PCDHA6: variants seen among roughly 807,000 people sequenced by gnomAD.
PCDHA6 encodes protocadherin alpha 6, also known as protocadherin alpha-6.
In PCDHA6, 55 loss-of-function variants were observed where a neutral mutation model predicts 60.3. The ratio of observed to expected loss-of-function variants is 0.91; its 90% confidence interval spans 0.73 to 1.14. The LOEUF (loss-of-function observed/expected upper bound fraction) is 1.14, where lower values mean the gene tolerates loss of function less well. PCDHA6 is among the 50% of genes most tolerant of loss of function. The pLI, the probability that PCDHA6 is intolerant of heterozygous loss-of-function variation, is 0.00. For synonymous variants in PCDHA6, 652 were observed against 557.9 expected (o/e 1.17, Z -2.38); for missense variants, 1,327 against 1,256.5 (o/e 1.06, Z -0.85).
chr5:140,869,511 A>T (rs1160788033), intron 1 of PCDHA6: 4 of 1,614,076 alleles, frequency 2.5e-6, no homozygotes, highest in Non-Finnish European at 2.5e-6. Context: ...TCTCGCTCAG[A>T]GAACAAAAGC....
intron 1 of PCDHA6, chr5:140,836,295 G>A: frequency 1.9e-6 from 3 of 1,613,804 alleles, no homozygotes; most frequent in South Asian, 2.2e-5. Flanking sequence ...ACGAGCCCTA[G>A]ATGAGACGGA....
chr5:140,917,449 C>G (rs1290889939), intron 1 of PCDHA6, among the ~76,000 whole-genome samples: 1 of 152,006 alleles, frequency 6.6e-6, no homozygotes, highest in Admixed American at 6.6e-5. Context: ...GCTGCAAGAG[C>G]GTTTGGCATC....
chr5:141,008,540 T>C (rs1435875214), intron 3 of PCDHA6, among the ~76,000 whole-genome samples: 2 of 152,190 alleles, frequency 1.3e-5, no homozygotes, highest in African/African-American at 4.8e-5. Context: ...ATGTCTTTTA[T>C]TGAAAACTCC....
chr5:140,829,901 A>T lies in PCDHA6; in HGVS notation c.1810A>T (p.Asn604Tyr), dbSNP rs2150177337. 19 of 1,613,992 alleles carry T rather than the reference A, an allele frequency of 1.2e-5. No individual in the cohort carries two copies. In the East Asian group the frequency reaches 4.2e-4, roughly 36 times the overall value. ...VRAVDADSGY[N>Y]AWLSYELQPP... ...CGCAGTTGACGCCGACTCAGGCTAC[A>T]ACGCGTGGCTTTCGTATGAGCTGCA... The change falls in exon 1 of 4, where the codon AAC (asparagine) becomes TAC (tyrosine). Residue 604 changes from asparagine to tyrosine, a missense_variant. Asn to Tyr is a moderately radical substitution (Grantham distance 143). Coordinates refer to ENST00000529310, the MANE Select transcript of PCDHA6 (RefSeq NM_018909.4).
intron 1 of PCDHA6, among the ~76,000 whole-genome samples, chr5:140,977,306 C>T (rs995052680): frequency 6.6e-6 from 1 of 152,150 alleles, no homozygotes; most frequent in African/African-American, 2.4e-5. Context: ...GACAAGCTAA[C>T]GATAGTGCTC....
chr5:140,897,312 T>G (rs1367286366), intron 1 of PCDHA6, among the ~76,000 whole-genome samples: 12 of 150,180 alleles, frequency 8.0e-5, no homozygotes, highest in Non-Finnish European at 1.6e-4. Context: ...TAGGTATATC[T>G]CCTAAAGCTA....
rs782510264 is a variant in PCDHA6, at chr5:140,863,385, G to A, written c.2394+32900G>A. 4 of 1,030,862 alleles carry A rather than the reference G, an allele frequency of 3.9e-6. No homozygotes were observed. In the South Asian group the frequency reaches 4.9e-5, roughly 13 times the overall value. The allele number at this position is 1,030,862 out of a possible 1,614,324, so 63.9% of individuals were successfully genotyped here. ...GCTTGGCGCAGCTCACCGAGAGCTC[G>A]TGCATGCCGGGCAAGCCCACGCTGG... On this transcript the variant is annotated intron_variant, in intron 1 of 3. Transcript: ENST00000529310.
rs781975666 is a variant in PCDHA6, at chr5:140,856,109, G to A, written c.2394+25624G>A. 6.9e-6 allele frequency: 11 copies of A among 1,597,740 alleles called. 1 individual carries two copies. The highest frequency in any genetic ancestry group is 4.0e-5 in the African/African-American group (3 of 74,230). On this transcript the variant is annotated intron_variant, in intron 1 of 3. Transcript: ENST00000529310. The stretch of plus-strand genomic sequence containing the variant: ...TCTGCTGCTCTCGCTTCTTCTCCTC[G>A]CAGCCTGGGAGGTGGGGAGCGGCCA...
intron 1 of PCDHA6, chr5:140,968,425 C>T (rs1195446919): frequency 6.2e-7 from 1 of 1,613,832 alleles, no homozygotes; most frequent in Non-Finnish European, 8.5e-7. Flanking sequence ...AGGCTCAGGA[C>T]AAGGGGAGCC....
At chr5:140,854,190 A>G (rs2043033379) in intron 1 of PCDHA6, 1 of 648,948 alleles carries the variant, frequency 1.5e-6, no homozygotes, top group Non-Finnish European at 1.9e-6. Context: ...TAGTTTAACT[A>G]CTCCCTACTT....
chr5:141,000,417 ATATATTTTTTT>A (rs2097924314), intron 3 of PCDHA6, among the ~76,000 whole-genome samples: 12 of 77,748 alleles, frequency 1.5e-4, no homozygotes, highest in Non-Finnish European at 2.3e-4. Flanking sequence ...ATATATATAT[ATATATTTTTTT>A]TTTTTTTTTT....
In PCDHA6 at chr5:140,870,728, C is replaced by A. The variant is rs531202250; in HGVS notation, c.2394+40243C>A. On this transcript the variant is annotated intron_variant, in intron 1 of 3. Coordinates refer to ENST00000529310, the MANE Select transcript of PCDHA6 (RefSeq NM_018909.4). ...GTGAGCGCGCGCGATGCGGGCGTGCCGCCTCTGAGCAGCAACGTGACGCTG... is the reference window on the plus strand; with the variant it reads ...GTGAGCGCGCGCGATGCGGGCGTGCAGCCTCTGAGCAGCAACGTGACGCTG... The A allele has an allele frequency of 5.8e-5, 93 of 1,613,338 alleles. No individual in the cohort carries two copies. Among genetic ancestry groups the A allele is most frequent in the East Asian group, 1.1e-4 (5 of 44,876 alleles).
rs1771053469 is a variant in PCDHA6 at position 140,830,422 on chromosome 5, A to C, written c.2331A>C (p.Ser777=). ...TCATGGCCTTTAGCCCCAGCCTTTC[A>C]CCTTGTCCTATTATGATGGGTAAGG... ...MDLMAFSPSL[S]PCPIMMGKAE... Residue 777 remains serine, a synonymous_variant, in exon 1 of 4, where the codon TCA becomes TCC. Coordinates refer to ENST00000529310, the MANE Select transcript of PCDHA6 (RefSeq NM_018909.4). 3.7e-6 allele frequency: 6 copies of C among 1,613,926 alleles called. No homozygotes were observed. Among genetic ancestry groups the C allele is most frequent in the Admixed American group, 1.7e-5 (1 of 59,992 alleles).
chr5:140,870,910 A>G (rs2052532769), intron 1 of PCDHA6: 1 of 1,613,930 alleles, frequency 6.2e-7, no homozygotes, highest in South Asian at 1.1e-5. Context: ...CTCAGGCTAC[A>G]ACGCGTGGCT....
At chr5:140,873,801 C>G (rs2054500183) in intron 1 of PCDHA6, among the ~76,000 whole-genome samples, 1 of 152,180 alleles carries the variant, frequency 6.6e-6, no homozygotes, top group Non-Finnish European at 1.5e-5. Flanking sequence ...GCTGGGACTA[C>G]AGGCATGCAC....
At chr5:140,856,225 G>A (rs1554148421) in intron 1 of PCDHA6, 1 of 1,598,066 alleles carries the variant, frequency 6.3e-7, no homozygotes, top group Non-Finnish European at 8.6e-7. Context: ...CGGAGCTGGT[G>A]CAGCGCCTGT....
At chr5:140,871,172 C>A in intron 1 of PCDHA6, 1 of 1,613,546 alleles carries the variant, frequency 6.2e-7, no homozygotes, top group South Asian at 1.1e-5. Context: ...AGCCCAGAGG[C>A]TGCGCTGGTG....
chr5:140,913,237 C>A (rs2076260841), intron 1 of PCDHA6, among the ~76,000 whole-genome samples: 1 of 152,080 alleles, frequency 6.6e-6, no homozygotes, highest in Non-Finnish European at 1.5e-5. Context: ...TGCTGGGAGA[C>A]TTTTTGTTAC....
intron 1 of PCDHA6, among the ~76,000 whole-genome samples, chr5:140,839,285 T>C (rs2150296208): frequency 2.0e-5 from 3 of 152,170 alleles, no homozygotes; most frequent in East Asian, 3.9e-4. Flanking sequence ...CTTCCTAGCA[T>C]ATTATTAAAG....
Sources: allele counts gnomAD v4.1 joint callset (sites outside exome capture counted in the v4.1 genomes callset), GRCh38; gene constraint gnomAD v4.1.1; transcripts MANE v1.5; gene names NCBI Gene and HGNC (gene_info 2026-07-23, HGNC 2026-07-21).